Variants in BEGAIN observed in about 807,000 individuals in gnomAD.
The protein encoded by BEGAIN is brain-enriched guanylate kinase-associated protein.
Under a neutral mutation model 35.8 loss-of-function variants are expected in BEGAIN, and 19 were observed. That is an observed-to-expected ratio of 0.53 (90% CI 0.37 to 0.78). The LOEUF is 0.78. Among genes scored for constraint, BEGAIN ranks in the 30% least tolerant of loss-of-function variants. BEGAIN has a pLI of 0.00. For missense variants in BEGAIN, 795 were observed against 853.6 expected, an observed-to-expected ratio of 0.93 and a Z score of 0.85; for synonymous variants, 462 against 388.6, an observed-to-expected ratio of 1.19 and a Z score of -2.22.
chr14:100,539,373 C>A, intron 6 of BEGAIN, 58 bp from the exon 7 acceptor site: 1 of 1,499,032 alleles, frequency 6.7e-7, no homozygotes, highest in Admixed American at 2.3e-5. Flanking sequence ...GCATGGCAGC[C>A]CAGCCCTGGC....
At chr14:100,543,305 T>G (rs993825570) in intron 5 of BEGAIN, among the ~76,000 whole-genome samples, 9 of 149,930 alleles carry the variant, frequency 6.0e-5, no homozygotes, top group African/African-American at 2.3e-4. Context: ...TTTTTTTTTT[T>G]GTTTTTTTTT....
rs956321976 is a variant in BEGAIN at position 100,586,931 on chromosome 14, AC to A, written c.42+317del. 1.9e-4 allele frequency among the ~76,000 whole-genome samples: 29 copies of A among 151,566 alleles called. No homozygotes were observed. Among genetic ancestry groups the A allele is most frequent in the Non-Finnish European group, 3.4e-4 (23 of 67,766 alleles). On this transcript the variant is annotated intron_variant, in intron 1 of 6. Transcript: ENST00000554140. The surrounding 1 kb of genome is among the most constrained non-coding windows in gnomAD (Gnocchi z 4.9). Reference sequence around the variant, plus strand: ...CAGTCCTCCGGCCGCGCCCTTGGTCACCCGTCCCTCCTTTCCTTCCGCCGCA... The same window carrying A: ...CAGTCCTCCGGCCGCGCCCTTGGTCACCGTCCCTCCTTTCCTTCCGCCGCA...
Position 100,539,011 on chromosome 14 carries a change from A to G in BEGAIN, c.797T>C (p.Val266Ala). 1.9e-6 allele frequency: 3 copies of G among 1,610,892 alleles called. No individual in the cohort carries two copies. The highest frequency in any genetic ancestry group is 2.5e-6 in the Non-Finnish European group (3 of 1,179,160). Residue 266 changes from valine to alanine, a missense_variant, in exon 7 of 7, where the codon GTG becomes GCG. Coordinates refer to ENST00000554140, the MANE Select transcript of BEGAIN (RefSeq NM_001385089.1). Reference sequence around the variant, plus strand: ...GCCCACGTCGGTCACGGGCGCGTCCACGCTAGGCCGCCGGTCTCGCCGCCG... The same window carrying G: ...GCCCACGTCGGTCACGGGCGCGTCCGCGCTAGGCCGCCGGTCTCGCCGCCG... ...EERRRDRRPS[V>A]DAPVTDVGFL...
intron 2 of BEGAIN, among the ~76,000 whole-genome samples, chr14:100,562,808 C>A (rs1018787650): frequency 2.0e-5 from 3 of 152,180 alleles, no homozygotes; most frequent in Non-Finnish European, 2.9e-5. Flanking sequence ...TTCTTTTTGT[C>A]CCCGCAGCAC....
chr14:100,585,121 C>T (rs1182599071), intron 1 of BEGAIN, among the ~76,000 whole-genome samples: 1 of 152,160 alleles, frequency 6.6e-6, no homozygotes, highest in Admixed American at 6.5e-5. Flanking sequence ...TGGACCCCAC[C>T]TCCTGGGACC....
At position 100,565,659 on chromosome 14, in the gene BEGAIN, C is replaced by A. The variant is rs139665615; in HGVS notation, c.71+2252G>T. On this transcript the variant is annotated intron_variant, in intron 2 of 6. Transcript: ENST00000554140. ...GAGGCAGGACCGACCATAGGGTCAT[C>A]CCTGTGGACACTTCAGGACCCCTTC... Among the ~76,000 whole-genome samples, 594 of 152,278 alleles carry A rather than the reference C, an allele frequency of 3.9e-3. 16 individuals carry two copies. The highest frequency in any genetic ancestry group is 0.033 in the Admixed American group (504 of 15,308).
At chr14:100,552,939 C>T (rs999343700) in intron 2 of BEGAIN, among the ~76,000 whole-genome samples, 20 of 152,204 alleles carry the variant, frequency 1.3e-4, no homozygotes, top group Non-Finnish European at 7.4e-5. Context: ...CCTTTGTGGA[C>T]ATGGGTGTAG....
chr14:100,583,789 T>C (rs962497601), intron 1 of BEGAIN, among the ~76,000 whole-genome samples: 6 of 147,132 alleles, frequency 4.1e-5, no homozygotes, highest in African/African-American at 1.5e-4. Context: ...CTCTGCCTCC[T>C]GGGTTCAAGC....
chr14:100,556,948 A>C (rs1358185697), intron 2 of BEGAIN, among the ~76,000 whole-genome samples: 5 of 152,198 alleles, frequency 3.3e-5, no homozygotes, highest in African/African-American at 9.6e-5. Context: ...ATCTCCATCC[A>C]ACCTGGATTG....
At position 100,543,876 on chromosome 14, in the gene BEGAIN, G is replaced by A. The variant is rs781183385; in HGVS notation, c.390C>T (p.Asp130=). 1.2e-6 allele frequency: 2 copies of A among 1,613,542 alleles called. No homozygotes were observed. Among genetic ancestry groups the A allele is most frequent in the East Asian group, 4.5e-5 (2 of 44,874 alleles). The change falls in exon 5 of 7, where the codon GAC becomes GAT. Residue 130 remains aspartate (D), a synonymous_variant. Transcript: ENST00000554140. ...SHLLEAKVTI[D]KLSEDNELYR... The stretch of plus-strand genomic sequence containing the variant: ...CACTCACGTTGTCCTCTGACAGCTT[G>A]TCGATGGTCACCTTGGCTTCTAGCA...
At chr14:100,539,439 G>T in intron 6 of BEGAIN, 124 bp from the exon 7 acceptor site, 1 of 1,431,840 alleles carries the variant, frequency 7.0e-7, no homozygotes, top group Non-Finnish European at 9.1e-7. Context: ...ACGAACGGGG[G>T]CCTCCCGGCT....
chr14:100,551,805 A>G (rs1289715502), intron 2 of BEGAIN, among the ~76,000 whole-genome samples: 1 of 152,042 alleles, frequency 6.6e-6, no homozygotes, highest in African/African-American at 2.4e-5. Flanking sequence ...CACATTGATC[A>G]CTGGATTCCT....
chr14:100,544,985 G>T lies in BEGAIN; in HGVS notation c.300+15C>A. ...GGTGTGGGGTGGGGGAGTGGGCGCT[G>T]CGTGGCGGCCTCACCATGCGGTACA... On this transcript the variant is annotated intron_variant, in intron 4 of 6. Transcript: ENST00000554140. The T allele has an allele frequency of 6.2e-7, 1 of 1,609,996 alleles. No individual in the cohort carries two copies. Among genetic ancestry groups the T allele is most frequent in the Non-Finnish European group, 8.5e-7 (1 of 1,179,700 alleles).
At chr14:100,579,458 C>T (rs575571344) in intron 1 of BEGAIN, among the ~76,000 whole-genome samples, 3 of 152,288 alleles carry the variant, frequency 2.0e-5, no homozygotes, top group Admixed American at 6.5e-5. Context: ...CACAGAGATC[C>T]TTCCTAGGAT....
intron 2 of BEGAIN, among the ~76,000 whole-genome samples, chr14:100,551,336 C>T (rs932578996): frequency 2.6e-5 from 4 of 152,094 alleles, no homozygotes; most frequent in Non-Finnish European, 4.4e-5. Flanking sequence ...CTGGAGGGCT[C>T]GCAGAGACGC....
chr14:100,580,238 G>A (rs1430852602), intron 1 of BEGAIN, among the ~76,000 whole-genome samples: 2 of 152,196 alleles, frequency 1.3e-5, no homozygotes, highest in African/African-American at 4.8e-5. Context: ...GGGAGGCAGA[G>A]GTTGCAGTGA....
chr14:100,582,777 G>C (rs764138749), intron 1 of BEGAIN, among the ~76,000 whole-genome samples: 2 of 152,046 alleles, frequency 1.3e-5, no homozygotes, highest in African/African-American at 2.4e-5. Context: ...GTCTTCCAGG[G>C]CAAAGCGGGC....
Position 100,538,200 on chromosome 14 carries a change from C to T in BEGAIN, c.1608G>A (p.Glu536=), listed in dbSNP as rs553312951. 9.0e-6 allele frequency: 14 copies of T among 1,554,124 alleles called. No individual in the cohort carries two copies. In the Admixed American group the frequency reaches 1.5e-4, roughly 17 times the overall value. Residue 536 remains glutamate, a synonymous_variant, in exon 7 of 7, where the codon GAG becomes GAA. Transcript: ENST00000554140. ...ADPLPGYAPS[E]GGDGDRLGVQ... ...CCCCGAGCCTGTCCCCGTCCCCCCC[C>T]TCGCTGGGTGCATAGCCGGGCAGTG...
At chr14:100,556,157 G>A (rs1287245248) in intron 2 of BEGAIN, among the ~76,000 whole-genome samples, 1 of 152,198 alleles carries the variant, frequency 6.6e-6, no homozygotes, top group South Asian at 2.1e-4. Context: ...AAGGCCTCCC[G>A]TCTTGCTCCC....
Sources: gnomAD v4.1 joint callset for allele counts (sites outside exome capture counted in the v4.1 genomes callset) on GRCh38, gnomAD v4.1.1 for gene constraint, Gnocchi (gnomAD v3.1) non-coding constraint, MANE v1.5 for transcripts, NCBI Gene and HGNC (gene_info 2026-07-23, HGNC 2026-07-21) for gene names.